The following MYH11 variants were observed in gnomAD, a reference collection of about 807,000 sequenced individuals.
The protein encoded by MYH11 is myosin-11.
In MYH11, 80 loss-of-function variants were observed where a neutral mutation model predicts 246.6. That is an observed-to-expected ratio of 0.32 (90% CI 0.27 to 0.39). The LOEUF is 0.39. Among genes scored for constraint, MYH11 ranks in the 10% least tolerant of loss-of-function variants. The pLI is 1.00. For synonymous variants in MYH11, 1,071 were observed against 1,015.5 expected (o/e 1.05, Z -1.04); for missense variants, 2,158 against 2,546.8 (o/e 0.85, Z 3.29).
intron 19 of MYH11, 105 bp downstream of exon 19, chr16:15,747,465 G>A (rs1270494720): frequency 6.9e-6 from 9 of 1,305,232 alleles, no homozygotes; most frequent in Non-Finnish European, 6.6e-6. Context: ...TTCAGTCAAT[G>A]ATGCATCTTA....
intron 31 of MYH11, among the ~76,000 whole-genome samples, chr16:15,723,928 G>A (rs1340856241): frequency 1.3e-5 from 2 of 152,208 alleles, no homozygotes; most frequent in Non-Finnish European, 2.9e-5. Context: ...GACCCTCATG[G>A]TGCTGGTACC....
rs780638340 is a variant in MYH11 at position 15,721,416 on chromosome 16, A to T, written c.4578+6T>A. 3.1e-6 allele frequency: 5 copies of T among 1,614,020 alleles called. No individual in the cohort carries two copies. The highest frequency in any genetic ancestry group is 1.7e-5 in the Admixed American group (1 of 60,014). Reference sequence around the variant, plus strand: ...TGGACGAGAAAAACCACCCAGAGCCACTTACGTTCTTGCCCACGTCATCCT... The same window carrying T: ...TGGACGAGAAAAACCACCCAGAGCCTCTTACGTTCTTGCCCACGTCATCCT... On this transcript the variant is annotated splice_donor_region_variant and intron_variant, in intron 32 of 40. Transcript: ENST00000300036.
chr16:15,820,475 G>GAAAAAAAAAAAAAAAAAAAAAAA (rs199534515), intron 3 of MYH11, among the ~76,000 whole-genome samples: 1 of 104,392 alleles, frequency 9.6e-6, no homozygotes. Context: ...ACTCCATCCG[G>GAAAAAAAAAAAAAAAAAAAAAAA]AAAAAAAAAA....
At position 15,732,798 on chromosome 16, in the gene MYH11, C is replaced by T. The variant is rs540633250; in HGVS notation, c.3507-90G>A. The stretch of plus-strand genomic sequence containing the variant: ...AAAAGAATGAGAGCTCTTCCAGGAC[C>T]CAGAGCTGCAGTCCTCATCACCACC... On this transcript the variant is annotated intron_variant, in intron 26 of 40. Transcript: ENST00000300036. 34 of 1,502,742 alleles carry T rather than the reference C, an allele frequency of 2.3e-5. No individual in the cohort carries two copies. In the South Asian group the frequency reaches 2.4e-4, roughly 11 times the overall value. 93.1% of individuals were successfully genotyped at this position (1,502,742 alleles called of 1,614,324 possible). A position where few individuals can be genotyped will look rare whatever the true frequency, so the allele number is the denominator to read the frequency against.
chr16:15,828,337 G>A (rs1206584742), intron 2 of MYH11, among the ~76,000 whole-genome samples: 1 of 152,112 alleles, frequency 6.6e-6, no homozygotes, highest in Non-Finnish European at 1.5e-5. Context: ...TTTCACGAGA[G>A]GGAAGTCTTG....
At chr16:15,782,246 C>A in intron 6 of MYH11, 139 bp downstream of exon 6, 2 of 730,984 alleles carry the variant, frequency 2.7e-6, no homozygotes, top group Non-Finnish European at 2.5e-6. Flanking sequence ...GAGGCAGGAG[C>A]CCTTGCAAGA....
chr16:15,761,706 A>G (rs1267760980), intron 10 of MYH11, among the ~76,000 whole-genome samples: 2 of 151,406 alleles, frequency 1.3e-5, no homozygotes, highest in African/African-American at 4.9e-5. Context: ...TGATTTTAGG[A>G]TTTTTTTTTC....
rs765808401 is a variant in MYH11 at position 15,735,351 on chromosome 16, T to A, written c.3506+15A>T. 15 of 1,613,136 alleles carry A rather than the reference T, an allele frequency of 9.3e-6. No individual in the cohort carries two copies. In the South Asian group the frequency reaches 1.6e-4, roughly 18 times the overall value. Reference sequence around the variant, plus strand: ...CAGTGGGATAGCAGGATGGTGGGATTGATGGGCCCCTCACCTGAGCTCCTG... The same window carrying A: ...CAGTGGGATAGCAGGATGGTGGGATAGATGGGCCCCTCACCTGAGCTCCTG... On this transcript the variant is annotated intron_variant, in intron 26 of 40. Coordinates refer to ENST00000300036, the MANE Select transcript of MYH11 (RefSeq NM_002474.3).
In MYH11 at chr16:15,741,868, T is replaced by C; in HGVS notation, c.2544A>G (p.Thr848=). 1 of 1,614,226 alleles carries C rather than the reference T, an allele frequency of 6.2e-7. No homozygotes were observed. Among genetic ancestry groups the C allele is most frequent in the Non-Finnish European group, 8.5e-7 (1 of 1,180,036 alleles). ...TGGCCTGCATCTCCTCCTCCTGCCG[T>C]GTCACCTGCAGCAGTGGCTTCACCT... ...FTKVKPLLQV[T]RQEEEMQAKE... Residue 848 remains threonine (T), a synonymous_variant, in exon 21 of 41, where the codon ACA becomes ACG. Coordinates refer to ENST00000300036, the MANE Select transcript of MYH11 (RefSeq NM_002474.3).
intron 14 of MYH11, among the ~76,000 whole-genome samples, chr16:15,756,137 T>C (rs1260338850): frequency 6.6e-6 from 1 of 152,122 alleles, no homozygotes; most frequent in Admixed American, 6.5e-5. Flanking sequence ...GACGTCACGG[T>C]TGGAAAACAT....
intron 35 of MYH11, 50 bp from the exon 36 acceptor site, chr16:15,719,358 CA>C (rs763138105): frequency 9.5e-6 from 15 of 1,581,556 alleles, no homozygotes; most frequent in Non-Finnish European, 1.3e-5. Flanking sequence ...GGCCAAGCCC[CA>C]CCAAGAGTCC....
chr16:15,732,817 C>T lies in MYH11; in HGVS notation c.3507-109G>A, dbSNP rs1277710416. The T allele has an allele frequency of 6.8e-6, 9 of 1,328,108 alleles. No individual in the cohort carries two copies. The African/African-American group carries it at 7.2e-5, about 11-fold the overall frequency. 82.3% of individuals were successfully genotyped at this position (1,328,108 alleles called of 1,614,324 possible). On this transcript the variant is annotated intron_variant, in intron 26 of 40. Coordinates refer to ENST00000300036, the MANE Select transcript of MYH11 (RefSeq NM_002474.3). The stretch of plus-strand genomic sequence containing the variant: ...CAGGACCCAGAGCTGCAGTCCTCAT[C>T]ACCACCCCTCTCTAGCTGTGTGACC...
chr16:15,835,008 G>A (rs747698441), intron 2 of MYH11, among the ~76,000 whole-genome samples: 6 of 149,022 alleles, frequency 4.0e-5, no homozygotes, highest in Non-Finnish European at 7.4e-5. Flanking sequence ...TTGAATCCAG[G>A]ACTTGGAAGC....
chr16:15,768,062 G>T (rs2042022729), intron 9 of MYH11, among the ~76,000 whole-genome samples: 1 of 152,066 alleles, frequency 6.6e-6, no homozygotes, highest in African/African-American at 2.4e-5. Context: ...ACAGGCATGA[G>T]CCATTATGCC....
intron 1 of MYH11, among the ~76,000 whole-genome samples, chr16:15,852,429 C>T (rs2044354225): frequency 1.4e-5 from 2 of 147,572 alleles, no homozygotes; most frequent in Non-Finnish European, 3.0e-5. Context: ...GCCTCTGAGG[C>T]TCAAGCGATT....
At chr16:15,802,084 T>C (rs2042900662) in intron 3 of MYH11, among the ~76,000 whole-genome samples, 1 of 152,200 alleles carries the variant, frequency 6.6e-6, no homozygotes. Context: ...TATGAACACA[T>C]ACAATCTTTT....
chr16:15,807,639 G>A (rs936892396), intron 3 of MYH11, among the ~76,000 whole-genome samples: 13 of 152,028 alleles, frequency 8.6e-5, no homozygotes, highest in Non-Finnish European at 1.3e-4. Flanking sequence ...AGCTGGGGGC[G>A]GCCGGCCATC....
At chr16:15,758,693 G>A (rs751738736) in intron 12 of MYH11, among the ~76,000 whole-genome samples, 1 of 151,264 alleles carries the variant, frequency 6.6e-6, no homozygotes, top group Non-Finnish European at 1.5e-5. Context: ...CCAGCTACTC[G>A]AGAGGCTGAG....
At chr16:15,774,713 C>T (rs555438173) in intron 8 of MYH11, among the ~76,000 whole-genome samples, 1 of 152,316 alleles carries the variant, frequency 6.6e-6, no homozygotes, top group South Asian at 2.1e-4. Flanking sequence ...CCTCAGCCTC[C>T]CAAGTAGCTG....
Sources: gnomAD v4.1 joint callset for allele counts (sites outside exome capture counted in the v4.1 genomes callset) on GRCh38, gnomAD v4.1.1 for gene constraint, MANE v1.5 for transcripts, NCBI Gene and HGNC (gene_info 2026-07-23, HGNC 2026-07-21) for gene names.